COL21A1: variants seen among roughly 807,000 people sequenced by gnomAD.
COL21A1 encodes collagen type XXI alpha 1 chain, also known as collagen alpha-1(XXI) chain.
Under a neutral mutation model 137.9 loss-of-function variants are expected in COL21A1, and 149 were observed. The observed-to-expected ratio is 1.08, with a 90% CI of 0.95 to 1.24. The LOEUF is 1.24. Among genes scored for constraint, COL21A1 ranks in the 50% most tolerant of loss-of-function variants. The probability of loss-of-function intolerance (pLI) is 0.00; values close to 1 mark genes in which losing one functional copy is unlikely to be tolerated. For synonymous variants in COL21A1, 456 were observed against 391.5 expected (o/e 1.16, Z -1.95); for missense variants, 1,167 against 1,158.4 (o/e 1.01, Z -0.11).
In COL21A1 at chr6:56,071,430, G is replaced by A. The variant is rs77220284; in HGVS notation, c.1966-632C>T. Among the ~76,000 whole-genome samples the A allele has an allele frequency of 8.1e-3, 1,235 of 151,662 alleles. 19 individuals carry two copies. The highest frequency in any genetic ancestry group is 0.029 in the African/African-American group (1,192 of 41,450). On this transcript the variant is annotated intron_variant, in intron 20 of 29. Coordinates refer to ENST00000244728, the MANE Select transcript of COL21A1 (RefSeq NM_030820.4). ...GGCTAATAAGGAGAGATTGTCAAAT[G>A]TAGTTCTGGTTTTCAAATACTTTGA...
chr6:56,201,591 G>A (rs1779411639), intron 1 of COL21A1, among the ~76,000 whole-genome samples: 1 of 151,988 alleles, frequency 6.6e-6, no homozygotes, highest in African/African-American at 2.4e-5. Context: ...TTTTTGTCAG[G>A]TTTGTCAAAG....
chr6:56,105,429 A>G (rs1770804819), intron 16 of COL21A1, among the ~76,000 whole-genome samples: 1 of 152,306 alleles, frequency 6.6e-6, no homozygotes, highest in Admixed American at 6.5e-5. Flanking sequence ...CAAATAATAT[A>G]TGTTATTTCA....
At chr6:56,100,389 T>A (rs1341955127) in intron 17 of COL21A1, among the ~76,000 whole-genome samples, 4 of 152,176 alleles carry the variant, frequency 2.6e-5, no homozygotes, top group Non-Finnish European at 5.9e-5. Context: ...TTACAATTTT[T>A]AAAAATTTCC....
At chr6:56,135,546 A>G (rs1000192054) in intron 12 of COL21A1, among the ~76,000 whole-genome samples, 10 of 152,182 alleles carry the variant, frequency 6.6e-5, no homozygotes, top group African/African-American at 1.4e-4. Flanking sequence ...AATTTAAATC[A>G]AAGTTTAACT....
intron 1 of COL21A1, among the ~76,000 whole-genome samples, chr6:56,269,719 T>C (rs1342984224): frequency 6.8e-6 from 1 of 148,142 alleles, no homozygotes; most frequent in African/African-American, 2.5e-5. Context: ...CCCATCAGGC[T>C]AGCAGTGGAC....
At chr6:56,063,123 G>T (rs1443202514) in intron 24 of COL21A1, among the ~76,000 whole-genome samples, 1 of 152,120 alleles carries the variant, frequency 6.6e-6, no homozygotes, top group East Asian at 1.9e-4. Context: ...GGTGAGAAAT[G>T]TAGCTTCCAA....
chr6:56,067,748 C>A lies in COL21A1; in HGVS notation c.2092-418G>T, dbSNP rs536285154. On this transcript the variant is annotated intron_variant, in intron 22 of 29. Coordinates refer to ENST00000244728, the MANE Select transcript of COL21A1 (RefSeq NM_030820.4). ...GAAACAATGATAAAGTAAAGCATAACATTTAAGTGCTATTTTAGAAAACAT... is the reference window on the plus strand; with the variant it reads ...GAAACAATGATAAAGTAAAGCATAAAATTTAAGTGCTATTTTAGAAAACAT... Among the ~76,000 whole-genome samples the A allele has an allele frequency of 1.6e-3, 240 of 151,708 alleles. 1 individual carries two copies. The highest frequency in any genetic ancestry group is 5.5e-3 in the African/African-American group (229 of 41,486).
intron 1 of COL21A1, among the ~76,000 whole-genome samples, chr6:56,299,668 G>T (rs939031227): frequency 6.6e-5 from 10 of 151,944 alleles, no homozygotes; most frequent in Non-Finnish European, 1.5e-4. Context: ...TTTCTGATCA[G>T]ACTTCCATCT....
intron 1 of COL21A1, among the ~76,000 whole-genome samples, chr6:56,261,989 A>T (rs2147696): frequency 0.4 from 60,121 of 152,086 alleles, 13,394 homozygotes; most frequent in African/African-American, 0.59. Context: ...ATTAGGAAAT[A>T]TGGAAAAGAA....
chr6:56,066,743 G>A (rs1178189098), intron 23 of COL21A1, among the ~76,000 whole-genome samples: 1 of 151,670 alleles, frequency 6.6e-6, no homozygotes, highest in Non-Finnish European at 1.5e-5. Context: ...GTCTCCTGAA[G>A]TAGTAAAATA....
At chr6:56,385,613 G>A (rs1276402037) in intron 1 of COL21A1, among the ~76,000 whole-genome samples, 3 of 152,064 alleles carry the variant, frequency 2.0e-5, no homozygotes, top group Non-Finnish European at 4.4e-5. Context: ...ATATAATTCA[G>A]TGTCATATAG....
chr6:56,386,599 TG>T (rs5876506), intron 1 of COL21A1, among the ~76,000 whole-genome samples: 1 of 151,630 alleles, frequency 6.6e-6, no homozygotes, highest in Non-Finnish European at 1.5e-5. Context: ...TTGTTGTTGT[TG>T]TTTTTTTTTA....
chr6:56,325,058 G>T (rs10755783), intron 1 of COL21A1, among the ~76,000 whole-genome samples: 147,668 of 149,780 alleles, frequency 0.99, 72,824 homozygotes, highest in Middle Eastern at 1. Context: ...GTTTCTCCAT[G>T]ACTCTTCATT....
intron 1 of COL21A1, among the ~76,000 whole-genome samples, chr6:56,340,516 T>A (rs1765440642): frequency 6.6e-6 from 1 of 152,040 alleles, no homozygotes; most frequent in Non-Finnish European, 1.5e-5. Context: ...CTTCTCCTGG[T>A]TGATGGGGAG....
chr6:56,196,762 T>C (rs144101082), intron 1 of COL21A1, among the ~76,000 whole-genome samples: 2 of 152,200 alleles, frequency 1.3e-5, no homozygotes, highest in East Asian at 3.9e-4. Flanking sequence ...ATATCCATGT[T>C]CATGAATTGG....
intron 17 of COL21A1, among the ~76,000 whole-genome samples, chr6:56,079,580 T>G (rs1767566703): frequency 6.6e-6 from 1 of 151,602 alleles, no homozygotes; most frequent in South Asian, 2.1e-4. Flanking sequence ...GTTTACTCCT[T>G]GGATTTGATC....
intron 12 of COL21A1, among the ~76,000 whole-genome samples, chr6:56,141,336 G>A (rs753529809): frequency 6.6e-6 from 1 of 152,064 alleles, no homozygotes; most frequent in Non-Finnish European, 1.5e-5. Flanking sequence ...AATAAGTCAG[G>A]GACAAAAAGA....
At position 56,147,158 on chromosome 6, in the gene COL21A1, T is replaced by A. The variant is rs574160760; in HGVS notation, c.1435-5175A>T. On this transcript the variant is annotated intron_variant, in intron 10 of 29. Coordinates refer to ENST00000244728, the MANE Select transcript of COL21A1 (RefSeq NM_030820.4). The stretch of plus-strand genomic sequence containing the variant: ...AACTTAAACCATCTTTAGTAAATCT[T>A]ACTTCCCAACATAAATCTCTAGTAA... 3.9e-5 allele frequency among the ~76,000 whole-genome samples: 6 copies of A among 152,266 alleles called. No homozygotes were observed. The East Asian group carries it at 1.2e-3, about 29-fold the overall frequency.
chr6:56,238,782 C>T (rs759684572), intron 1 of COL21A1, among the ~76,000 whole-genome samples: 3 of 152,152 alleles, frequency 2.0e-5, no homozygotes, highest in Non-Finnish European at 2.9e-5. Flanking sequence ...AGAATATTCT[C>T]ACCTAAAGAA....
Sources: gnomAD v4.1 joint callset for allele counts (sites outside exome capture counted in the v4.1 genomes callset) on GRCh38, gnomAD v4.1.1 for gene constraint, MANE v1.5 for transcripts, NCBI Gene and HGNC (gene_info 2026-07-23, HGNC 2026-07-21) for gene names.